The following CTNNA2 variants were observed in gnomAD, a reference collection of about 807,000 sequenced individuals.
The protein encoded by CTNNA2 is catenin alpha-2.
Under a neutral mutation model 101.0 loss-of-function variants are expected in CTNNA2, and 42 were observed. The observed-to-expected ratio is 0.42, with a 90% CI of 0.32 to 0.54. The LOEUF (loss-of-function observed/expected upper bound fraction) is 0.54. Among genes scored for constraint, CTNNA2 ranks in the 20% least tolerant of loss-of-function variants. The pLI is 0.14. For synonymous variants in CTNNA2, 450 were observed against 456.4 expected (o/e 0.99, Z 0.18); for missense variants, 871 against 1,223.1 (o/e 0.71, Z 4.29).
intron 1 of CTNNA2, among the ~76,000 whole-genome samples, chr2:79,645,518 C>G (rs559331403): frequency 2.4e-4 from 37 of 152,224 alleles, no homozygotes; most frequent in African/African-American, 8.2e-4. Flanking sequence ...AAAAGCAATT[C>G]AGGGTTTTCA....
chr2:80,453,720 G>C, intron 9 of CTNNA2, among the ~76,000 whole-genome samples: 1 of 152,130 alleles, frequency 6.6e-6, no homozygotes, highest in East Asian at 1.9e-4. Context: ...AGAATGTGAG[G>C]ACAGACAGGG....
intron 2 of CTNNA2, among the ~76,000 whole-genome samples, chr2:79,694,641 ACAT>A: frequency 6.6e-6 from 1 of 151,840 alleles, no homozygotes; most frequent in Non-Finnish European, 1.5e-5. Context: ...GATTCTGTTG[ACAT>A]CGTAATAGGC....
At chr2:79,644,126 C>T (rs1484112168) in intron 1 of CTNNA2, among the ~76,000 whole-genome samples, 3 of 152,156 alleles carry the variant, frequency 2.0e-5, no homozygotes, top group Admixed American at 1.3e-4. Flanking sequence ...CAACCTCTGC[C>T]TACCGGGTTC....
intron 8 of CTNNA2, among the ~76,000 whole-genome samples, chr2:80,403,039 G>C (rs886494769): frequency 6.6e-6 from 1 of 151,980 alleles, no homozygotes; most frequent in Admixed American, 6.6e-5. Context: ...AATATTGTGT[G>C]CAACACTTTA....
chr2:80,574,053 C>A, intron 12 of CTNNA2, 110 bp from the exon 13 acceptor site: 2 of 1,079,682 alleles, frequency 1.9e-6, no homozygotes, highest in Admixed American at 2.0e-5. Context: ...GAGTGTCTTG[C>A]TCCACTTAAC....
intron 1 of CTNNA2, among the ~76,000 whole-genome samples, chr2:79,541,916 T>C (rs183551595): frequency 1.4e-4 from 22 of 152,242 alleles, no homozygotes; most frequent in Admixed American, 1.3e-3. Context: ...TGAGCCACCG[T>C]GCCTGGCCCC....
intron 3 of CTNNA2, among the ~76,000 whole-genome samples, chr2:79,316,490 T>A (rs1484913875): frequency 6.6e-6 from 1 of 152,076 alleles, no homozygotes; most frequent in African/African-American, 2.4e-5. Context: ...TTGTGTTGAA[T>A]CTGTAGATCA....
At chr2:79,203,059 ACTC>A (rs1674057850) in intron 2 of CTNNA2, among the ~76,000 whole-genome samples, 1 of 151,208 alleles carries the variant, frequency 6.6e-6, no homozygotes, top group African/African-American at 2.4e-5. Context: ...CCTCACTACT[ACTC>A]TCTTCTCTCG....
At chr2:79,612,939 G>A (rs964756536) in intron 1 of CTNNA2, among the ~76,000 whole-genome samples, 1 of 152,096 alleles carries the variant, frequency 6.6e-6, no homozygotes, top group South Asian at 2.1e-4. Flanking sequence ...GTTTAGAGAA[G>A]TTAATTGTGA....
chr2:79,200,826 AC>A (rs1674024488), intron 2 of CTNNA2, among the ~76,000 whole-genome samples: 1 of 152,172 alleles, frequency 6.6e-6, no homozygotes, highest in Non-Finnish European at 1.5e-5. Context: ...GAAAAAAAAA[AC>A]TTTTTAAATC....
chr2:80,182,919 G>GATT (rs1705873723), intron 7 of CTNNA2, among the ~76,000 whole-genome samples: 1 of 152,170 alleles, frequency 6.6e-6, no homozygotes, highest in Non-Finnish European at 1.5e-5. Flanking sequence ...CATGACATCT[G>GATT]AGCACCACTG....
chr2:79,288,524 C>G (rs1675690590), intron 2 of CTNNA2, among the ~76,000 whole-genome samples: 1 of 152,188 alleles, frequency 6.6e-6, no homozygotes, highest in Admixed American at 6.5e-5. Context: ...AGTTTCTACT[C>G]TCACATTCCT....
chr2:79,586,205 T>G (rs538706032), intron 1 of CTNNA2, among the ~76,000 whole-genome samples: 1 of 152,298 alleles, frequency 6.6e-6, no homozygotes, highest in African/African-American at 2.4e-5. Context: ...TCTCCTCTTC[T>G]CTGTGGTGTA....
chr2:80,594,198 A>G (rs954251501), intron 15 of CTNNA2, among the ~76,000 whole-genome samples: 1 of 152,056 alleles, frequency 6.6e-6, no homozygotes, highest in African/African-American at 2.4e-5. Flanking sequence ...ATGGATGTGA[A>G]GTGGTGTCTC....
At chr2:80,596,118 T>C (rs1250639762) in intron 15 of CTNNA2, among the ~76,000 whole-genome samples, 1 of 151,808 alleles carries the variant, frequency 6.6e-6, no homozygotes, top group Non-Finnish European at 1.5e-5. Flanking sequence ...TTATTATCTT[T>C]GTAGTAATTG....
intron 4 of CTNNA2, among the ~76,000 whole-genome samples, chr2:79,381,468 C>T (rs1393598308): frequency 6.6e-6 from 1 of 152,170 alleles, no homozygotes; most frequent in Non-Finnish European, 1.5e-5. Flanking sequence ...TTCAATTGAT[C>T]AAAAACTATC....
chr2:79,936,909 A>G (rs1209360934), intron 7 of CTNNA2, among the ~76,000 whole-genome samples: 1 of 152,066 alleles, frequency 6.6e-6, no homozygotes, highest in Non-Finnish European at 1.5e-5. Flanking sequence ...GTTTTCTGTC[A>G]TGTTACATGA....
chr2:79,344,870 T>A (rs1162805595), intron 3 of CTNNA2, among the ~76,000 whole-genome samples: 39 of 145,514 alleles, frequency 2.7e-4, no homozygotes, highest in Admixed American at 1.3e-3. Context: ...TATATTATAT[T>A]TATATATATA....
chr2:79,789,989 A>C (rs6755157), intron 3 of CTNNA2, among the ~76,000 whole-genome samples: 24,976 of 152,056 alleles, frequency 0.16, 3,420 homozygotes, highest in East Asian at 0.37. Flanking sequence ...TCAGCCAATT[A>C]GAAAAACAGA....
Sources: allele counts gnomAD v4.1 joint callset (sites outside exome capture counted in the v4.1 genomes callset), GRCh38; gene constraint gnomAD v4.1.1; transcripts MANE v1.5; gene names NCBI Gene and HGNC (gene_info 2026-07-23, HGNC 2026-07-21).